The following MTMR1 variants were observed in gnomAD, a reference collection of about 807,000 sequenced individuals.
MTMR1 encodes the protein phosphatidylinositol-3-phosphate phosphatase MTMR1.
Under a neutral mutation model 51.6 loss-of-function variants are expected in MTMR1, and 17 were observed. The ratio of observed to expected loss-of-function variants is 0.33; its 90% confidence interval spans 0.23 to 0.49. The LOEUF is 0.49. Ranked by LOEUF, MTMR1 falls within the 20% of genes least tolerant of loss-of-function variation. The pLI, the probability that MTMR1 is intolerant of heterozygous loss-of-function variation, is 0.99. For synonymous variants in MTMR1, 201 were observed against 205.6 expected (o/e 0.98, Z 0.19); for missense variants, 386 against 526.9 (o/e 0.73, Z 2.62).
chrX:150,711,343 A>T (rs1397821143), intron 2 of MTMR1, among the ~76,000 whole-genome samples: 1 of 112,340 alleles, frequency 8.9e-6, no homozygotes, highest in Non-Finnish European at 1.9e-5. Flanking sequence ...TTGAATCTGT[A>T]TCATGCGATC....
rs1344714191 is a variant in MTMR1, at chrX:150,727,879, T to A, written c.555+88T>A. ...CAGTCTCTTCATGGTCTTTGGACAG[T>A]AGAATAATTTGTACTGCTAGTAACT... On this transcript the variant is annotated intron_variant, in intron 6 of 15. Coordinates refer to ENST00000445323, the MANE Select transcript of MTMR1 (RefSeq NM_001306144.3). The A allele has an allele frequency of 1.2e-5, 7 of 573,337 alleles. No individual in the cohort carries two copies. The African/African-American group carries it at 1.6e-4, about 13-fold the overall frequency. The allele number at this position is 573,337 out of a possible 1,213,427, so 47.2% of individuals were successfully genotyped here. A position where few individuals can be genotyped will look rare whatever the true frequency, so the allele number is the denominator to read the frequency against.
rs1404890261 is a variant in MTMR1, at chrX:150,760,156, G to C, written c.1858-2409G>C. Among the ~76,000 whole-genome samples, 4 of 109,032 alleles carry C rather than the reference G, an allele frequency of 3.7e-5. No individual in the cohort carries two copies. The East Asian group carries it at 1.1e-3, about 31-fold the overall frequency. The allele number at this position is 109,032 out of a possible 115,157, so 94.7% of individuals were successfully genotyped here. A position where few individuals can be genotyped will look rare whatever the true frequency, so the allele number is the denominator to read the frequency against. ...AAAAAGAGTACATGGGCCGCAGCTT[G>C]TTATCCTGTATGCAACAGGCATGTG... On this transcript the variant is annotated intron_variant, in intron 15 of 15. Transcript: ENST00000445323.
rs1557418137 is a variant in MTMR1, at chrX:150,762,964, T to G, written c.*235T>G. ...AAGCAACTTCTGGCATTCAGGCAGCTTGGGAGAAACTAAGTGAACGGAATG... is the reference window on the plus strand; with the variant it reads ...AAGCAACTTCTGGCATTCAGGCAGCGTGGGAGAAACTAAGTGAACGGAATG... On this transcript the variant is annotated 3_prime_UTR_variant, in exon 16 of 16. Coordinates refer to ENST00000445323, the MANE Select transcript of MTMR1 (RefSeq NM_001306144.3). 1 of 337,958 alleles carries G rather than the reference T, an allele frequency of 3.0e-6. No homozygotes were observed. The highest frequency in any genetic ancestry group is 2.7e-5 in the African/African-American group (1 of 37,312). The allele number at this position is 337,958 out of a possible 1,213,427, so 27.9% of individuals were successfully genotyped here. A position where few individuals can be genotyped will look rare whatever the true frequency, so the allele number is the denominator to read the frequency against.
intron 4 of MTMR1, among the ~76,000 whole-genome samples, chrX:150,719,139 G>A (rs2041661230): frequency 8.9e-6 from 1 of 111,834 alleles, no homozygotes; most frequent in Admixed American, 9.5e-5. Flanking sequence ...GGCTTGTGTT[G>A]CCATCCTGGC....
At chrX:150,727,361 A>G (rs782096223) in intron 5 of MTMR1, 52 bp downstream of exon 5, 3 of 1,045,060 alleles carry the variant, frequency 2.9e-6, no homozygotes, top group Non-Finnish European at 4.0e-6. Context: ...TTAAAAGAAC[A>G]CTAAAAGAAG....
intron 15 of MTMR1, among the ~76,000 whole-genome samples, chrX:150,757,293 C>A (rs1397029451): frequency 1.2e-4 from 14 of 112,650 alleles, no homozygotes; most frequent in African/African-American, 4.2e-4. Context: ...CTGGGTGCGC[C>A]CCGCTGCCCC....
At chrX:150,700,527 A>G (rs887351817) in intron 2 of MTMR1, among the ~76,000 whole-genome samples, 1 of 112,540 alleles carries the variant, frequency 8.9e-6, no homozygotes, top group Admixed American at 9.4e-5. Flanking sequence ...ATGTTTGCCC[A>G]TAAAAGAGCA....
In MTMR1 at chrX:150,732,542, G is replaced by A. The variant is rs868993041; in HGVS notation, c.892G>A (p.Val298Met). ...AATATTTATTGCTTAAAAACACTAG[G>A]TGTTGTCATGGATTCATCCGGAAAG... is the stretch of plus-strand genomic sequence containing the variant. ...AAFRAKGRVP[V>M]LSWIHPESQA... Residue 298 changes from valine (V) to methionine (M), a missense_variant and splice_region_variant, in exon 10 of 16, where the codon GTG (valine) becomes ATG (methionine). Transcript: ENST00000445323. The A allele has an allele frequency of 8.3e-6, 10 of 1,203,795 alleles. No individual in the cohort carries two copies. In the Middle Eastern group the frequency reaches 2.1e-3, roughly 251 times the overall value.
chrX:150,720,743 C>T (rs782173114), intron 4 of MTMR1, among the ~76,000 whole-genome samples: 5 of 111,772 alleles, frequency 4.5e-5, no homozygotes, highest in Non-Finnish European at 9.4e-5. Context: ...TTCTAGTAGC[C>T]GTATATGAGC....
At chrX:150,695,930 G>T (rs781883201) in intron 1 of MTMR1, among the ~76,000 whole-genome samples, 27 of 111,882 alleles carry the variant, frequency 2.4e-4, no homozygotes, top group South Asian at 1.9e-3. Context: ...TCAGATGTGA[G>T]GGGGGAGTGC....
intron 15 of MTMR1, among the ~76,000 whole-genome samples, chrX:150,756,900 C>G (rs1557417778): frequency 8.9e-6 from 1 of 112,117 alleles, no homozygotes; most frequent in African/African-American, 3.2e-5. Context: ...ATCCGCCCGC[C>G]TCGGCCTCCC....
At chrX:150,751,634 T>G (rs1329273502) in intron 14 of MTMR1, among the ~76,000 whole-genome samples, 1 of 111,157 alleles carries the variant, frequency 9.0e-6, no homozygotes, top group Admixed American at 9.5e-5. Flanking sequence ...GTCTCTAAAG[T>G]TGGAGTCACC....
At chrX:150,744,032 A>G (rs1165739472) in intron 12 of MTMR1, among the ~76,000 whole-genome samples, 1 of 112,787 alleles carries the variant, frequency 8.9e-6, no homozygotes, top group Admixed American at 9.4e-5. Context: ...TTGGCATCCT[A>G]CGTTGACACT....
intron 3 of MTMR1, chrX:150,712,754 G>T: frequency 5.2e-6 from 1 of 191,702 alleles, no homozygotes. Flanking sequence ...AAAAAAAAAG[G>T]TTAGTTGGCT....
At chrX:150,750,345 G>A (rs1480936196) in intron 13 of MTMR1, among the ~76,000 whole-genome samples, 4 of 112,116 alleles carry the variant, frequency 3.6e-5, no homozygotes, top group African/African-American at 6.5e-5. Context: ...CCCCTCATTT[G>A]TTTCCCTTCT....
chrX:150,716,574 G>A (rs782076572), intron 3 of MTMR1, among the ~76,000 whole-genome samples: 15 of 112,437 alleles, frequency 1.3e-4, no homozygotes, highest in African/African-American at 4.5e-4. Context: ...TGGAGGTAAC[G>A]ATGATTCCTA....
In MTMR1 at chrX:150,736,590, C is replaced by T. The variant is rs782265459; in HGVS notation, c.1081-5C>T. On this transcript the variant is annotated splice_polypyrimidine_tract_variant and splice_region_variant and intron_variant, in intron 10 of 15. Coordinates refer to ENST00000445323, the MANE Select transcript of MTMR1 (RefSeq NM_001306144.3). ...AATGTGATGTATTTGTTTTGTTTTT[C>T]GTAGACAAAGGGTGGAGGATATGAA... is the stretch of plus-strand genomic sequence containing the variant. 2 of 1,196,504 alleles carry T rather than the reference C, an allele frequency of 1.7e-6. No homozygotes were observed. The highest frequency in any genetic ancestry group is 1.8e-5 in the African/African-American group (1 of 56,755).
In MTMR1 at chrX:150,732,573, C is replaced by G; in HGVS notation, c.923C>G (p.Ala308Gly). Residue 308 changes from alanine to glycine, a missense_variant, in exon 10 of 16, where the codon GCA (alanine) becomes GGA (glycine). By Grantham distance (60) the Ala-to-Gly change is moderately conservative (BLOSUM62 0). Transcript: ENST00000445323. ...TCATGGATTCATCCGGAAAGTCAAG[C>G]AACGATTACCCGTTGCAGCCAGCCA... Reference protein sequence around the residue: ...VLSWIHPESQATITRCSQPLV... With the variant: ...VLSWIHPESQGTITRCSQPLV... 1.7e-6 allele frequency: 2 copies of G among 1,209,344 alleles called. No homozygotes were observed. Among genetic ancestry groups the G allele is most frequent in the Non-Finnish European group, 2.2e-6 (2 of 894,434 alleles).
intron 14 of MTMR1, among the ~76,000 whole-genome samples, chrX:150,752,298 T>C (rs2042767099): frequency 9.0e-6 from 1 of 111,665 alleles, no homozygotes; most frequent in Non-Finnish European, 1.9e-5. Context: ...ACATCTGGAC[T>C]AAGGCAGAAA....
Sources: gnomAD v4.1 joint callset for allele counts (sites outside exome capture counted in the v4.1 genomes callset) on GRCh38, gnomAD v4.1.1 for gene constraint, MANE v1.5 for transcripts, NCBI Gene and HGNC (gene_info 2026-07-23, HGNC 2026-07-21) for gene names.